SUFU: variants seen among roughly 807,000 people sequenced by gnomAD.
The protein encoded by SUFU is SUFU negative regulator of hedgehog signaling.
A neutral mutation model predicts 58.9 loss-of-function variants in SUFU; 7 were observed. The ratio of observed to expected loss-of-function variants is 0.12; its 90% CI spans 0.07 to 0.22. The LOEUF (loss-of-function observed/expected upper bound fraction) is 0.22, where lower values mean the gene tolerates loss of function less well. SUFU is among the 10% of genes least tolerant of loss of function. SUFU has a pLI of 1.00. For synonymous variants in SUFU, 232 were observed against 254.8 expected (o/e 0.91, Z 0.85); for missense variants, 451 against 641.3 (o/e 0.70, Z 3.20).
At chr10:102,622,509 G>A (rs1164445992) in intron 10 of SUFU, among the ~76,000 whole-genome samples, 6 of 152,304 alleles carry the variant, frequency 3.9e-5, no homozygotes, top group Admixed American at 6.5e-5. Flanking sequence ...TTGGGAGGCC[G>A]AGGCGGGCGG....
chr10:102,544,209 T>C (rs1258201723), intron 2 of SUFU, among the ~76,000 whole-genome samples: 1 of 152,270 alleles, frequency 6.6e-6, no homozygotes, highest in Non-Finnish European at 1.5e-5. Context: ...CTCATTTGTT[T>C]GTTAAATGAG....
At chr10:102,580,608 G>C (rs2063266911) in intron 3 of SUFU, among the ~76,000 whole-genome samples, 1 of 152,106 alleles carries the variant, frequency 6.6e-6, no homozygotes, top group African/African-American at 2.4e-5. Flanking sequence ...GTGTTGATCA[G>C]ACAAGAAGAG....
At chr10:102,595,727 G>A (rs557262176) in intron 6 of SUFU, among the ~76,000 whole-genome samples, 112 of 152,276 alleles carry the variant, frequency 7.4e-4, no homozygotes, top group Non-Finnish European at 1.5e-3. Flanking sequence ...TGCACCAAGT[G>A]TGAACTCCTC....
chr10:102,573,176 G>T lies in SUFU; in HGVS notation c.455-19406G>T. 3 of 767,216 alleles carry T rather than the reference G, an allele frequency of 3.9e-6. No individual in the cohort carries two copies. In the South Asian group the frequency reaches 4.0e-5, roughly 10 times the overall value. 47.5% of individuals were successfully genotyped at this position (767,216 alleles called of 1,614,324 possible). ...CTTGGCCTTCAAAGCCTTTGCTTTG[G>T]CTTCGGCTTTAGGAGGAGCAGGAGC... On this transcript the variant is annotated intron_variant, in intron 3 of 11. Transcript: ENST00000369902.
At chr10:102,588,816 AGAGTAT>A (rs1466277551) in intron 3 of SUFU, among the ~76,000 whole-genome samples, 1 of 152,232 alleles carries the variant, frequency 6.6e-6, no homozygotes, top group Non-Finnish European at 1.5e-5. Context: ...TGTAGTTTTC[AGAGTAT>A]AAGTTTTCAT....
At chr10:102,539,009 G>T (rs1247380789) in intron 2 of SUFU, among the ~76,000 whole-genome samples, 1 of 152,156 alleles carries the variant, frequency 6.6e-6, no homozygotes, top group Non-Finnish European at 1.5e-5. Flanking sequence ...GTTTTGCTTT[G>T]TGCGGGTCAG....
intron 1 of SUFU, 116 bp downstream of exon 1, chr10:102,504,450 G>A: frequency 6.6e-7 from 1 of 1,524,860 alleles, no homozygotes; most frequent in South Asian, 1.2e-5. Flanking sequence ...AAAGCACTCA[G>A]AAGGAGGGCT....
Position 102,617,285 on chromosome 10 carries a change from T to C in SUFU, c.1158-5T>C. On this transcript the variant is annotated splice_polypyrimidine_tract_variant and splice_region_variant and intron_variant, in intron 9 of 11. Transcript: ENST00000369902. The surrounding 1 kb of genome is among the most constrained non-coding windows in gnomAD (Gnocchi z 4.4). The stretch of plus-strand genomic sequence containing the variant: ...TCCTCACTGTCTCCATGTTCCCATC[T>C]CCAGGGGCAGGCTCCTGCATGGACG... 1 of 1,614,228 alleles carries C rather than the reference T, an allele frequency of 6.2e-7. No homozygotes were observed. The highest frequency in any genetic ancestry group is 8.5e-7 in the Non-Finnish European group (1 of 1,180,040).
chr10:102,505,619 C>T (rs539668306), intron 1 of SUFU, among the ~76,000 whole-genome samples: 6 of 152,252 alleles, frequency 3.9e-5, no homozygotes, highest in Non-Finnish European at 7.4e-5. Flanking sequence ...GCCAGCTGCC[C>T]GCATCAATGG....
At chr10:102,518,768 A>C (rs570932137) in intron 2 of SUFU, among the ~76,000 whole-genome samples, 1 of 151,866 alleles carries the variant, frequency 6.6e-6, no homozygotes, top group East Asian at 2.0e-4. Flanking sequence ...GCTGGTCTCA[A>C]ACTCATGAGC....
chr10:102,516,155 T>C (rs1272268136), intron 2 of SUFU, among the ~76,000 whole-genome samples: 1 of 135,440 alleles, frequency 7.4e-6, no homozygotes, highest in Non-Finnish European at 1.6e-5. Context: ...AGATAGAGTC[T>C]TCCTTTGTTG....
intron 8 of SUFU, among the ~76,000 whole-genome samples, chr10:102,606,732 A>G (rs2063565582): frequency 1.3e-5 from 2 of 152,226 alleles, no homozygotes; most frequent in Non-Finnish European, 2.9e-5. Flanking sequence ...TGAAGGTGGC[A>G]GTTCAGGAGA....
At chr10:102,591,230 G>C (rs2063397031) in intron 3 of SUFU, among the ~76,000 whole-genome samples, 1 of 152,358 alleles carries the variant, frequency 6.6e-6, no homozygotes, top group South Asian at 2.1e-4. Context: ...GCTGGGTGCT[G>C]TGGCTCATAC....
chr10:102,600,794 ACT>A (rs1160413146), intron 8 of SUFU, among the ~76,000 whole-genome samples: 4 of 152,210 alleles, frequency 2.6e-5, no homozygotes, highest in African/African-American at 7.2e-5. Context: ...ACAGGGCTGT[ACT>A]GAGAGTTGAG....
intron 2 of SUFU, among the ~76,000 whole-genome samples, chr10:102,541,462 G>A (rs558982092): frequency 2.0e-5 from 3 of 150,124 alleles, no homozygotes; most frequent in Admixed American, 6.7e-5. Context: ...GCAGTGGTGC[G>A]ATCTCGGCTC....
chr10:102,578,343 C>T (rs1276158032), intron 3 of SUFU, among the ~76,000 whole-genome samples: 5 of 151,630 alleles, frequency 3.3e-5, no homozygotes, highest in African/African-American at 7.3e-5. Context: ...TTTGGGAGGC[C>T]GAGGTGGGTG....
chr10:102,594,142 G>A (rs2063436170), intron 6 of SUFU, 77 bp downstream of exon 6: 2 of 1,406,864 alleles, frequency 1.4e-6, no homozygotes, highest in South Asian at 1.2e-5. Context: ...TTTCATCCTG[G>A]GAAAACAGAG....
intron 3 of SUFU, among the ~76,000 whole-genome samples, chr10:102,583,530 A>T (rs1404148197): frequency 6.6e-6 from 1 of 152,130 alleles, no homozygotes; most frequent in South Asian, 2.1e-4. Context: ...AAGCCTGCAC[A>T]AAGTGCTTTT....
chr10:102,523,149 G>T (rs566675765), intron 2 of SUFU, among the ~76,000 whole-genome samples: 1 of 152,262 alleles, frequency 6.6e-6, no homozygotes, highest in Admixed American at 6.5e-5. Context: ...TGGACTCCAG[G>T]CCCCTAGCAT....
Sources: gnomAD v4.1 joint callset for allele counts (sites outside exome capture counted in the v4.1 genomes callset) on GRCh38, gnomAD v4.1.1 for gene constraint, Gnocchi (gnomAD v3.1) non-coding constraint, MANE v1.5 for transcripts, NCBI Gene and HGNC (gene_info 2026-07-23, HGNC 2026-07-21) for gene names.